CLHC1: variants seen among roughly 807,000 people sequenced by gnomAD.
The protein encoded by CLHC1 is clathrin heavy chain linker domain-containing protein 1.
A neutral mutation model predicts 69.5 loss-of-function variants in CLHC1; 72 were observed. The observed-to-expected ratio is 1.04, with a 90% CI of 0.86 to 1.26. CLHC1 has a LOEUF of 1.26. Among genes scored for constraint, CLHC1 ranks in the 50% most tolerant of loss-of-function variants. The pLI is 0.00. For synonymous variants in CLHC1, 223 were observed against 224.3 expected (o/e 0.99, Z 0.05); for missense variants, 790 against 679.3 (o/e 1.16, Z -1.81).
chr2:55,232,320 A>G (rs1675497495), upstream of CLHC1: 1 of 211,390 alleles, frequency 4.7e-6, no homozygotes, highest in African/African-American at 2.3e-5. Context: ...TCTTGGGACA[A>G]GTAGTCCAAG....
chr2:55,224,306 C>T, intron 2 of CLHC1: 1 of 463,642 alleles, frequency 2.2e-6, no homozygotes. Flanking sequence ...GAGTGCCGTC[C>T]TCTGGGAGTG....
intron 9 of CLHC1, among the ~76,000 whole-genome samples, chr2:55,200,061 A>C (rs1368374850): frequency 6.6e-6 from 1 of 151,938 alleles, no homozygotes; most frequent in Non-Finnish European, 1.5e-5. Context: ...TTGTCTCCAC[A>C]AAAATTTAAA....
At chr2:55,206,537 T>C (rs1314712578) in intron 8 of CLHC1, among the ~76,000 whole-genome samples, 161 bp from the exon 9 acceptor site, 9 of 152,230 alleles carry the variant, frequency 5.9e-5, no homozygotes. Context: ...CACTGTAAGA[T>C]GTTCCTTGAA....
intron 1 of CLHC1, among the ~76,000 whole-genome samples, chr2:55,228,528 G>C (rs1038807764): frequency 2.0e-5 from 3 of 152,132 alleles, no homozygotes; most frequent in Non-Finnish European, 1.5e-5. Flanking sequence ...AAGTCACAAG[G>C]GTTCCCAGTC....
At chr2:55,206,675 G>A in intron 8 of CLHC1, 1 of 270,188 alleles carries the variant, frequency 3.7e-6, no homozygotes, top group South Asian at 6.4e-5. Context: ...GAGGATGGAA[G>A]AAAGAACTTG....
At chr2:55,223,490 G>C (rs1222010571) in intron 2 of CLHC1, among the ~76,000 whole-genome samples, 1 of 152,110 alleles carries the variant, frequency 6.6e-6, no homozygotes, top group Non-Finnish European at 1.5e-5. Flanking sequence ...CCGCTCGCCG[G>C]GACTGAGTTC....
At chr2:55,184,919 A>AAAAC (rs1553343500) in intron 9 of CLHC1, among the ~76,000 whole-genome samples, 2 of 126,098 alleles carry the variant, frequency 1.6e-5, no homozygotes, top group Admixed American at 1.7e-4. Flanking sequence ...AAAAAAACAA[A>AAAAC]ACACACACAC....
intron 2 of CLHC1, chr2:55,224,599 A>G (rs1337857443): frequency 3.9e-6 from 1 of 256,740 alleles, no homozygotes; most frequent in East Asian, 1.1e-4. Context: ...GGGGGATGAG[A>G]TGGGCCAGGG....
chr2:55,212,792 T>C lies in CLHC1; in HGVS notation c.380A>G (p.Glu127Gly). ...IQLEAKMRIIESNSSKIQSQI... is the reference protein window; with the variant it reads ...IQLEAKMRIIGSNSSKIQSQI... Reference sequence around the variant, plus strand: ...AGATTGAATCTTCGAGGAATTACTTTCGATAATCCTCATTCTGGAAAACAG... The same window carrying C: ...AGATTGAATCTTCGAGGAATTACTTCCGATAATCCTCATTCTGGAAAACAG... The change falls in exon 5 of 13, where the codon GAA (glutamate) becomes GGA (glycine). Residue 127 changes from glutamate (E) to glycine (G), a missense_variant. Coordinates refer to ENST00000401408, the MANE Select transcript of CLHC1 (RefSeq NM_152385.4). 2 of 1,603,012 alleles carry C rather than the reference T, an allele frequency of 1.2e-6. No individual in the cohort carries two copies.
intron 8 of CLHC1, chr2:55,206,788 A>C: frequency 5.4e-6 from 1 of 185,068 alleles, no homozygotes; most frequent in Non-Finnish European, 1.1e-5. Context: ...ACATCGCCTA[A>C]AGGAAATATT....
At chr2:55,225,567 C>G (rs541327370) in intron 2 of CLHC1, 1 of 152,412 alleles carries the variant, frequency 6.6e-6, no homozygotes, top group Non-Finnish European at 1.5e-5. Context: ...CGGGCCCCTC[C>G]AATCTGTCTC....
In CLHC1 at chr2:55,174,125, C is replaced by T. The variant is rs1232839127; in HGVS notation, c.*1665G>A. ...ATCCTTTATCTGCTCTTTTCAACAG[C>T]CTGTATGAAGGCCAAAAATCAAAAT... On this transcript the variant is annotated 3_prime_UTR_variant, in exon 13 of 13. Transcript: ENST00000401408. 1.3e-5 allele frequency among the ~76,000 whole-genome samples: 2 copies of T among 152,094 alleles called. No homozygotes were observed. Among genetic ancestry groups the T allele is most frequent in the Non-Finnish European group, 1.5e-5 (1 of 68,024 alleles).
chr2:55,220,188 A>G (rs1377237636), intron 3 of CLHC1, among the ~76,000 whole-genome samples: 3 of 152,178 alleles, frequency 2.0e-5, no homozygotes, highest in Non-Finnish European at 4.4e-5. Flanking sequence ...TCCAGGTCAA[A>G]CCATCTATCT....
Position 55,206,394 on chromosome 2 carries a change from T to C in CLHC1, c.900-18A>G, listed in dbSNP as rs772544850. The stretch of plus-strand genomic sequence containing the variant: ...CATTAAACCTATAGCCATCACATTT[T>C]AAAATGCATTATAATGACACAAAGA... On this transcript the variant is annotated intron_variant, in intron 8 of 12. Coordinates refer to ENST00000401408, the MANE Select transcript of CLHC1 (RefSeq NM_152385.4). The C allele has an allele frequency of 2.3e-6, 3 of 1,322,330 alleles. No individual in the cohort carries two copies. In the African/African-American group the frequency reaches 4.3e-5, roughly 19 times the overall value. 81.9% of individuals were successfully genotyped at this position (1,322,330 alleles called of 1,614,324 possible). A position where few individuals can be genotyped will look rare whatever the true frequency, so the allele number is the denominator to read the frequency against.
intron 2 of CLHC1, among the ~76,000 whole-genome samples, chr2:55,227,471 A>T (rs1330901495): frequency 6.6e-6 from 1 of 152,132 alleles, no homozygotes; most frequent in Non-Finnish European, 1.5e-5. Flanking sequence ...CGAGATCAGG[A>T]GTTCAAGACC....
chr2:55,206,566 G>T (rs940783263), intron 8 of CLHC1, among the ~76,000 whole-genome samples, 190 bp from the exon 9 acceptor site: 2 of 152,116 alleles, frequency 1.3e-5, no homozygotes, highest in South Asian at 2.1e-4. Flanking sequence ...CTAGTACTCT[G>T]TTGGGTTTTT....
chr2:55,214,180 T>C (rs138318178), intron 4 of CLHC1, among the ~76,000 whole-genome samples: 1 of 152,204 alleles, frequency 6.6e-6, no homozygotes, highest in African/African-American at 2.4e-5. Context: ...AGAATTTTTG[T>C]CAATACATAA....
chr2:55,186,259 A>G (rs1164879793), intron 9 of CLHC1, among the ~76,000 whole-genome samples: 2 of 152,218 alleles, frequency 1.3e-5, no homozygotes, highest in Non-Finnish European at 1.5e-5. Context: ...AAGCCTTTCC[A>G]GAGAATACAC....
chr2:55,179,094 TTCTAAGA>T lies in CLHC1; in HGVS notation c.1385-1320_1385-1314del, dbSNP rs1266572782. On this transcript the variant is annotated intron_variant, in intron 11 of 12. Coordinates refer to ENST00000401408, the MANE Select transcript of CLHC1 (RefSeq NM_152385.4). ...CAGACCCATCCCTAAAATTTTTAAA[TTCTAAGA>T]GTAATTAAAATCTATATCCCATGTC... Among the ~76,000 whole-genome samples, 33 of 152,026 alleles carry T rather than the reference TTCTAAGA, an allele frequency of 2.2e-4. No homozygotes were observed. In the South Asian group the frequency reaches 6.8e-3, roughly 32 times the overall value.
Sources: gnomAD v4.1 joint callset for allele counts (sites outside exome capture counted in the v4.1 genomes callset) on GRCh38, gnomAD v4.1.1 for gene constraint, MANE v1.5 for transcripts, NCBI Gene and HGNC (gene_info 2026-07-23, HGNC 2026-07-21) for gene names.